CNTNAP5: variants seen among roughly 807,000 people sequenced by gnomAD.
CNTNAP5 encodes contactin-associated protein-like 5.
In CNTNAP5, 72 loss-of-function variants were observed where a neutral mutation model predicts 150.2. That is an observed-to-expected ratio of 0.48 (90% CI 0.40 to 0.58). The LOEUF is 0.58. Among genes scored for constraint, CNTNAP5 ranks in the 20% least tolerant of loss-of-function variants. CNTNAP5 has a pLI of 0.00. For missense variants in CNTNAP5, 1,636 were observed against 1,626.2 expected, an observed-to-expected ratio of 1.01 and a Z score of -0.10; for synonymous variants, 672 against 619.8, an observed-to-expected ratio of 1.08 and a Z score of -1.25.
At chr2:124,911,680 A>T (rs897887034) in intron 23 of CNTNAP5, 142 bp downstream of exon 23, 2 of 675,336 alleles carry the variant, frequency 3.0e-6, no homozygotes, top group African/African-American at 1.8e-5. Flanking sequence ...GCTTTTCATG[A>T]GTAGTCCTGT....
At chr2:124,270,775 C>CAAAT (rs200554833) in intron 3 of CNTNAP5, among the ~76,000 whole-genome samples, 1,947 of 152,226 alleles carry the variant, frequency 0.013, 16 homozygotes, top group Non-Finnish European at 0.019. Context: ...AAAGTCATGT[C>CAAAT]AAATAATCAC....
rs552922221 is a variant in CNTNAP5, at chr2:124,584,967, A to G, written c.1756+21644A>G. Among the ~76,000 whole-genome samples, 4 of 152,326 alleles carry G rather than the reference A, an allele frequency of 2.6e-5. No homozygotes were observed. The South Asian group carries it at 8.3e-4, about 32-fold the overall frequency. On this transcript the variant is annotated intron_variant, in intron 11 of 23. Transcript: ENST00000682447. Reference sequence around the variant, plus strand: ...GGGTGGCTTTGGGGAAAGCTCTCACATTGTATGAGCTCATTTGCATTATTC... The same window carrying G: ...GGGTGGCTTTGGGGAAAGCTCTCACGTTGTATGAGCTCATTTGCATTATTC...
Position 124,769,426 on chromosome 2 carries a change from C to T in CNTNAP5, c.2534-3373C>T, listed in dbSNP as rs192928364. Among the ~76,000 whole-genome samples, 72 of 151,576 alleles carry T rather than the reference C, an allele frequency of 4.8e-4. 1 individual carries two copies. Among genetic ancestry groups the T allele is most frequent in the Admixed American group, 8.6e-4 (13 of 15,188 alleles). ...AAAGGCTAAGACTCCTTAGTTTTGC[C>T]TTGAACCATAAAGAAGTAGCTGGTG... On this transcript the variant is annotated intron_variant, in intron 16 of 23. Transcript: ENST00000682447.
At chr2:124,208,743 T>C (rs1195901588) in intron 1 of CNTNAP5, among the ~76,000 whole-genome samples, 2 of 151,564 alleles carry the variant, frequency 1.3e-5, no homozygotes, top group Non-Finnish European at 2.9e-5. Context: ...CGGGAGGGAG[T>C]GGTAGCTACT....
intron 20 of CNTNAP5, among the ~76,000 whole-genome samples, chr2:124,865,676 TG>T (rs1677616448): frequency 6.6e-6 from 1 of 152,176 alleles, no homozygotes; most frequent in South Asian, 2.1e-4. Context: ...CCAAGTGTGG[TG>T]GCTCACACCT....
chr2:124,810,396 C>T (rs913703407), intron 19 of CNTNAP5, among the ~76,000 whole-genome samples: 2 of 152,102 alleles, frequency 1.3e-5, no homozygotes, highest in African/African-American at 4.8e-5. Flanking sequence ...TTTAATAGCG[C>T]TGCTTAAACA....
At chr2:124,234,789 A>C (rs907889723) in intron 2 of CNTNAP5, among the ~76,000 whole-genome samples, 1 of 152,158 alleles carries the variant, frequency 6.6e-6, no homozygotes, top group African/African-American at 2.4e-5. Flanking sequence ...GAAGATATTT[A>C]TTGGAGGACA....
Position 124,446,737 on chromosome 2 carries a change from T to C in CNTNAP5, c.734-16T>C, listed in dbSNP as rs770210108. ...TTGGACACAGACATCATCTTGCCTC[T>C]CTCCCCTCTTCACAGGTGACAGCAA... On this transcript the variant is annotated splice_polypyrimidine_tract_variant and intron_variant, in intron 5 of 23. Transcript: ENST00000682447. 3.4e-5 allele frequency: 55 copies of C among 1,609,740 alleles called. No homozygotes were observed. Among genetic ancestry groups the C allele is most frequent in the Non-Finnish European group, 4.6e-5 (54 of 1,177,762 alleles).
At chr2:124,636,465 A>G (rs1677970550) in intron 12 of CNTNAP5, among the ~76,000 whole-genome samples, 1 of 152,158 alleles carries the variant, frequency 6.6e-6, no homozygotes, top group African/African-American at 2.4e-5. Context: ...TGTGTGCATA[A>G]CACCTGACAC....
intron 14 of CNTNAP5, among the ~76,000 whole-genome samples, chr2:124,762,797 G>A (rs1250443335): frequency 6.6e-6 from 1 of 152,064 alleles, no homozygotes; most frequent in East Asian, 1.9e-4. Context: ...GGTGTGAGGT[G>A]TGACTTTAGG....
chr2:124,823,154 C>T (rs776446578), intron 19 of CNTNAP5, among the ~76,000 whole-genome samples: 30 of 152,244 alleles, frequency 2.0e-4, no homozygotes, highest in Admixed American at 1.1e-3. Context: ...CCTGGCACAC[C>T]GCTTATATGG....
At chr2:124,164,314 A>G (rs1173031814) in intron 1 of CNTNAP5, among the ~76,000 whole-genome samples, 1 of 152,154 alleles carries the variant, frequency 6.6e-6, no homozygotes, top group African/African-American at 2.4e-5. Context: ...CTATCTCCTC[A>G]AGGCATGTGC....
At chr2:124,791,695 T>C (rs1009415516) in intron 18 of CNTNAP5, among the ~76,000 whole-genome samples, 2 of 116,124 alleles carry the variant, frequency 1.7e-5, no homozygotes, top group South Asian at 3.1e-4. Flanking sequence ...CCTAATTTCT[T>C]TTTTTTTTTT....
At chr2:124,082,310 C>G (rs1238475458) in intron 1 of CNTNAP5, among the ~76,000 whole-genome samples, 3 of 141,624 alleles carry the variant, frequency 2.1e-5, no homozygotes, top group Non-Finnish European at 4.5e-5. Flanking sequence ...GACTGTGCCA[C>G]TGCACTCTAG....
In CNTNAP5 at chr2:124,609,005, A is replaced by AT. The variant is rs565683059; in HGVS notation, c.1757-789dup. ...AAAGCCATACTGTATGTAAGCAGTA[A>AT]TTTTTTTAATTCATGAGTCAAACAT... On this transcript the variant is annotated intron_variant, in intron 11 of 23. Transcript: ENST00000682447. Among the ~76,000 whole-genome samples, 198 of 152,262 alleles carry AT rather than the reference A, an allele frequency of 1.3e-3. 1 individual carries two copies. Among genetic ancestry groups the AT allele is most frequent in the Non-Finnish European group, 5.9e-4 (40 of 68,020 alleles).
intron 1 of CNTNAP5, among the ~76,000 whole-genome samples, chr2:124,046,433 G>GATA (rs376445841): frequency 2.2e-5 from 3 of 134,600 alleles, no homozygotes; most frequent in Admixed American, 7.5e-5. Context: ...ACAAAAGAGA[G>GATA]AAAAAAAAAA....
chr2:124,335,476 A>G (rs1689447834), intron 3 of CNTNAP5, among the ~76,000 whole-genome samples: 1 of 151,522 alleles, frequency 6.6e-6, no homozygotes, highest in South Asian at 2.1e-4. Flanking sequence ...ATGAAAAGAG[A>G]ACTTTATACA....
intron 1 of CNTNAP5, among the ~76,000 whole-genome samples, chr2:124,051,357 T>A (rs965256657): frequency 7.2e-5 from 11 of 152,170 alleles, no homozygotes; most frequent in African/African-American, 2.4e-4. Flanking sequence ...TCTGCACTTG[T>A]TTTTCCCAGA....
chr2:124,608,327 TC>T (rs751595800), intron 11 of CNTNAP5, among the ~76,000 whole-genome samples: 17 of 152,196 alleles, frequency 1.1e-4, no homozygotes, highest in African/African-American at 2.4e-5. Flanking sequence ...AGTAGATGTC[TC>T]CTTTATACCC....
Sources: gnomAD v4.1 joint callset for allele counts (sites outside exome capture counted in the v4.1 genomes callset) on GRCh38, gnomAD v4.1.1 for gene constraint, MANE v1.5 for transcripts, NCBI Gene and HGNC (gene_info 2026-07-23, HGNC 2026-07-21) for gene names.